Variants in CCSER1 observed in about 807,000 individuals in gnomAD.
CCSER1 encodes coiled-coil serine rich protein 1, also known as serine-rich coiled-coil domain-containing protein 1.
In CCSER1, 41 loss-of-function variants were observed where a neutral mutation model predicts 82.0. The observed-to-expected ratio is 0.50, with a 90% CI of 0.39 to 0.65. The LOEUF (loss-of-function observed/expected upper bound fraction) is 0.65. CCSER1 is among the 30% of genes least tolerant of loss of function. CCSER1 has a pLI of 0.00. For synonymous variants in CCSER1, 414 were observed against 383.9 expected (o/e 1.08, Z -0.92); for missense variants, 1,119 against 1,064.2 (o/e 1.05, Z -0.72).
At chr4:91,016,288 T>G (rs1464408203) in intron 9 of CCSER1, among the ~76,000 whole-genome samples, 3 of 152,006 alleles carry the variant, frequency 2.0e-5, no homozygotes, top group Non-Finnish European at 2.9e-5. Context: ...TACTATTTTA[T>G]TTATTTAAAG....
chr4:90,816,619 A>T (rs945913468), intron 8 of CCSER1, among the ~76,000 whole-genome samples: 1 of 152,116 alleles, frequency 6.6e-6, no homozygotes, highest in African/African-American at 2.4e-5. Flanking sequence ...TTAATTCATC[A>T]TTCATTTTTA....
chr4:90,405,403 G>A (rs1753568477), intron 4 of CCSER1, among the ~76,000 whole-genome samples: 1 of 152,104 alleles, frequency 6.6e-6, no homozygotes, highest in Non-Finnish European at 1.5e-5. Context: ...TGTTCCTGGG[G>A]CAGAAGAGAT....
intron 6 of CCSER1, among the ~76,000 whole-genome samples, chr4:90,666,815 G>C (rs943501077): frequency 2.6e-5 from 4 of 152,100 alleles, no homozygotes; most frequent in African/African-American, 7.2e-5. Context: ...AAAATTTTGT[G>C]GGGGAGAGGA....
At chr4:90,141,902 T>C (rs796462558) in intron 1 of CCSER1, among the ~76,000 whole-genome samples, 19 of 152,320 alleles carry the variant, frequency 1.2e-4, no homozygotes, top group African/African-American at 3.8e-4. Flanking sequence ...TATGCATACA[T>C]TTATTTTAGC....
chr4:91,077,969 A>G (rs1722194235), intron 9 of CCSER1, among the ~76,000 whole-genome samples: 1 of 152,204 alleles, frequency 6.6e-6, no homozygotes. Flanking sequence ...GGAGCCCACC[A>G]CAGCTCAAGG....
chr4:90,605,848 A>AT (rs1342689711), intron 5 of CCSER1, among the ~76,000 whole-genome samples: 1 of 152,222 alleles, frequency 6.6e-6, no homozygotes, highest in East Asian at 1.9e-4. Flanking sequence ...CAATAAAAAT[A>AT]TTTGAGTTCA....
chr4:90,625,501 G>T (rs1466025020), intron 5 of CCSER1, among the ~76,000 whole-genome samples: 1 of 152,104 alleles, frequency 6.6e-6, no homozygotes, highest in Non-Finnish European at 1.5e-5. Flanking sequence ...AATTAAGAAT[G>T]GTTTTGATTA....
Position 90,166,962 on chromosome 4 carries a change from G to T in CCSER1, c.-42+39131G>T, listed in dbSNP as rs192745650. Reference sequence around the variant, plus strand: ...CATATTTTTAATTCTTGAGATAATTGCTTGTTGGAAGTATCAATTTAGTGA... The same window carrying T: ...CATATTTTTAATTCTTGAGATAATTTCTTGTTGGAAGTATCAATTTAGTGA... On this transcript the variant is annotated intron_variant, in intron 1 of 10. Transcript: ENST00000509176. 2.2e-4 allele frequency among the ~76,000 whole-genome samples: 33 copies of T among 151,844 alleles called. No homozygotes were observed. In the East Asian group the frequency reaches 6.2e-3, roughly 29 times the overall value.
At chr4:90,472,088 T>C (rs1764487273) in intron 5 of CCSER1, among the ~76,000 whole-genome samples, 1 of 152,206 alleles carries the variant, frequency 6.6e-6, no homozygotes. Flanking sequence ...TTGGATGGAA[T>C]TACTTCTTTA....
chr4:91,477,546 A>T (rs1028178025), intron 10 of CCSER1, among the ~76,000 whole-genome samples: 4 of 151,736 alleles, frequency 2.6e-5, no homozygotes, highest in African/African-American at 9.7e-5. Flanking sequence ...ACAGTGTCCT[A>T]TAGGTTTAAT....
chr4:90,240,087 G>A (rs920345766), intron 1 of CCSER1, among the ~76,000 whole-genome samples: 5 of 152,174 alleles, frequency 3.3e-5, no homozygotes, highest in African/African-American at 1.2e-4. Flanking sequence ...TCATCTCACT[G>A]GAGAGCAGAG....
At chr4:90,551,646 A>T (rs1777488494) in intron 5 of CCSER1, among the ~76,000 whole-genome samples, 1 of 150,974 alleles carries the variant, frequency 6.6e-6, no homozygotes, top group African/African-American at 2.4e-5. Flanking sequence ...TTTCCCATGA[A>T]AATATACAAA....
At chr4:90,154,031 A>T (rs1296667798) in intron 1 of CCSER1, among the ~76,000 whole-genome samples, 1 of 152,180 alleles carries the variant, frequency 6.6e-6, no homozygotes, top group Non-Finnish European at 1.5e-5. Flanking sequence ...TAAGTCTTTA[A>T]TCCACCTTGA....
intron 5 of CCSER1, among the ~76,000 whole-genome samples, chr4:90,494,447 A>G (rs963664792): frequency 2.6e-4 from 40 of 152,280 alleles, no homozygotes; most frequent in African/African-American, 8.9e-4. Context: ...TCCACCCCAA[A>G]TCAACAGAAT....
chr4:90,470,775 AAAAAAAC>A (rs1189160946), intron 5 of CCSER1, among the ~76,000 whole-genome samples: 5 of 150,880 alleles, frequency 3.3e-5, no homozygotes, highest in African/African-American at 1.2e-4. Context: ...AAAAAAAAAA[AAAAAAAC>A]AAAACACCCA....
At chr4:90,992,441 A>G (rs1301436608) in intron 9 of CCSER1, among the ~76,000 whole-genome samples, 2 of 152,068 alleles carry the variant, frequency 1.3e-5, no homozygotes, top group East Asian at 3.9e-4. Flanking sequence ...TAATGATATT[A>G]CAACAATTTT....
At chr4:90,456,939 A>G (rs1170000709) in intron 4 of CCSER1, among the ~76,000 whole-genome samples, 1 of 152,030 alleles carries the variant, frequency 6.6e-6, no homozygotes, top group African/African-American at 2.4e-5. Flanking sequence ...GGACCACTGG[A>G]CTTGATTTGC....
intron 9 of CCSER1, among the ~76,000 whole-genome samples, chr4:90,981,670 A>C (rs1561443086): frequency 6.6e-6 from 1 of 151,862 alleles, no homozygotes; most frequent in Non-Finnish European, 1.5e-5. Flanking sequence ...AATAGTTCAC[A>C]TCCATCTTGG....
intron 3 of CCSER1, among the ~76,000 whole-genome samples, chr4:90,357,506 G>T (rs1002592784): frequency 6.6e-6 from 1 of 151,918 alleles, no homozygotes; most frequent in Non-Finnish European, 1.5e-5. Context: ...TAGTAAAATT[G>T]TTACACGTCA....
Sources: allele counts gnomAD v4.1 joint callset (sites outside exome capture counted in the v4.1 genomes callset), GRCh38; gene constraint gnomAD v4.1.1; transcripts MANE v1.5; gene names NCBI Gene and HGNC (gene_info 2026-07-23, HGNC 2026-07-21).